The following ZFP14 variants were observed in gnomAD, a reference collection of about 807,000 sequenced individuals.
ZFP14 encodes the protein ZFP14 zinc finger protein.
In ZFP14, 22 loss-of-function variants were observed where a neutral mutation model predicts 54.5. The observed-to-expected ratio is 0.40, with a 90% CI of 0.29 to 0.58. The LOEUF is 0.58. ZFP14 is among the 20% of genes least tolerant of loss of function. The probability of loss-of-function intolerance (pLI) is 0.39; values close to 1 mark genes in which losing one functional copy is unlikely to be tolerated. For missense variants in ZFP14, 470 were observed against 637.8 expected, an observed-to-expected ratio of 0.74 and a Z score of 2.83; for synonymous variants, 159 against 204.0, an observed-to-expected ratio of 0.78 and a Z score of 1.88.
chr19:36,348,962 T>C (rs2031465979), intron 4 of ZFP14, among the ~76,000 whole-genome samples: 1 of 152,024 alleles, frequency 6.6e-6, no homozygotes, highest in Non-Finnish European at 1.5e-5. Context: ...GCACAGTGGC[T>C]CACACCTGTA....
At chr19:36,374,525 T>C (rs2031930805) in intron 1 of ZFP14, among the ~76,000 whole-genome samples, 1 of 151,298 alleles carries the variant, frequency 6.6e-6, no homozygotes, top group Non-Finnish European at 1.5e-5. Flanking sequence ...AAAAAGATTA[T>C]GCAGAGCTAT....
intron 1 of ZFP14, among the ~76,000 whole-genome samples, chr19:36,369,977 G>A (rs907278874): frequency 2.3e-4 from 35 of 152,260 alleles, no homozygotes; most frequent in Non-Finnish European, 1.5e-4. Context: ...TGGGACTATA[G>A]TTGGGCACCA....
At chr19:36,349,914 G>T (rs1466718196) in intron 4 of ZFP14, among the ~76,000 whole-genome samples, 1 of 101,074 alleles carries the variant, frequency 9.9e-6, no homozygotes, top group African/African-American at 3.5e-5. Context: ...CACTTTAGGA[G>T]GCCAAGGCGG....
rs1240087090 is a variant in ZFP14 at position 36,367,903 on chromosome 19, C to T, written c.-11G>A. 2.5e-6 allele frequency: 4 copies of T among 1,610,280 alleles called. No homozygotes were observed. The highest frequency in any genetic ancestry group is 1.7e-5 in the Admixed American group (1 of 59,778). On this transcript the variant is annotated 5_prime_UTR_variant, in exon 2 of 5. Transcript: ENST00000270001. ...ACTTACATGGGCCATGGTTTTAGAA[C>T]TGCAAAAACTGGTCAGTCCTTTTCA...
intron 2 of ZFP14, among the ~76,000 whole-genome samples, chr19:36,366,778 C>A (rs1002839000): frequency 6.6e-6 from 1 of 152,158 alleles, no homozygotes; most frequent in Admixed American, 6.6e-5. Flanking sequence ...TATGAAAATT[C>A]ATCCAGCCAT....
At chr19:36,369,414 TTTTG>T (rs2145561930) in intron 1 of ZFP14, among the ~76,000 whole-genome samples, 1 of 152,186 alleles carries the variant, frequency 6.6e-6, no homozygotes, top group Admixed American at 6.6e-5. Flanking sequence ...GTTTTGTTTT[TTTTG>T]TTTGTTTTTG....
At chr19:36,375,933 T>C (rs1481322735) in intron 1 of ZFP14, among the ~76,000 whole-genome samples, 3 of 152,060 alleles carry the variant, frequency 2.0e-5, no homozygotes, top group African/African-American at 7.2e-5. Context: ...CCTCGGGTAA[T>C]GCACCTGCCT....
Position 36,355,938 on chromosome 19 carries a change from C to A in ZFP14, c.235+4497G>T, listed in dbSNP as rs1283218738. 2.1e-5 allele frequency among the ~76,000 whole-genome samples: 3 copies of A among 142,068 alleles called. 1 individual carries two copies. Among genetic ancestry groups the A allele is most frequent in the Non-Finnish European group, 4.7e-5 (3 of 64,164 alleles). The allele number at this position is 142,068 out of a possible 152,430, so 93.2% of individuals were successfully genotyped here. A position where few individuals can be genotyped will look rare whatever the true frequency, so the allele number is the denominator to read the frequency against. ...TTAAATAGAGATGAAACTGTAGTCA[C>A]CGATCAAAAAAAAGAGTAGCCCCTC... On this transcript the variant is annotated intron_variant, in intron 4 of 4. Transcript: ENST00000270001.
At chr19:36,372,087 G>A (rs1450563900) in intron 1 of ZFP14, among the ~76,000 whole-genome samples, 1 of 150,424 alleles carries the variant, frequency 6.6e-6, no homozygotes, top group Non-Finnish European at 1.5e-5. Flanking sequence ...GAGGGAGGTA[G>A]GGAGGAAAGG....
At position 36,362,788 on chromosome 19, in the gene ZFP14, A is replaced by G. The variant is rs1048749103; in HGVS notation, c.10-550T>C. 5 of 282,618 alleles carry G rather than the reference A, an allele frequency of 1.8e-5. No individual in the cohort carries two copies. In the Admixed American group the frequency reaches 2.4e-4, roughly 14 times the overall value. 17.5% of individuals were successfully genotyped at this position (282,618 alleles called of 1,614,324 possible). On this transcript the variant is annotated intron_variant, in intron 2 of 4. Coordinates refer to ENST00000270001, the MANE Select transcript of ZFP14 (RefSeq NM_020917.3). ...CTTGGGCTCTCTTTTCCCTTTAATG[A>G]TCATTTAAAAACATTGATAAAAATT...
intron 4 of ZFP14, among the ~76,000 whole-genome samples, chr19:36,347,589 A>G (rs1405674389): frequency 1.3e-5 from 2 of 150,358 alleles, no homozygotes; most frequent in East Asian, 3.9e-4. Context: ...AGCCTGGGTG[A>G]CAGAGTGAGG....
At chr19:36,366,199 C>T (rs960498079) in intron 2 of ZFP14, among the ~76,000 whole-genome samples, 4 of 151,536 alleles carry the variant, frequency 2.6e-5, no homozygotes, top group African/African-American at 7.3e-5. Context: ...ACCCAGAAAG[C>T]GGAGGTTGCA....
Position 36,336,934 on chromosome 19 carries a change from GT to G in ZFP14, c.*3289del, listed in dbSNP as rs1188445411. ...AAATTATCAACATGTTGCCAATTTA[GT>G]TTCCAGCTCTCTTTGCCAATTATTT... On this transcript the variant is annotated 3_prime_UTR_variant, in exon 5 of 5. Coordinates refer to ENST00000270001, the MANE Select transcript of ZFP14 (RefSeq NM_020917.3). 3 of 147,536 alleles carry G rather than the reference GT, an allele frequency of 2.0e-5. No homozygotes were observed. The highest frequency in any genetic ancestry group is 7.7e-5 in the African/African-American group (3 of 38,860). The allele number at this position is 147,536 out of a possible 1,614,324, so 9.1% of individuals were successfully genotyped here. A position where few individuals can be genotyped will look rare whatever the true frequency, so the allele number is the denominator to read the frequency against.
In ZFP14 at chr19:36,341,495, T is replaced by C. The variant is rs1185822601; in HGVS notation, c.331A>G (p.Ser111Gly). The C allele has an allele frequency of 5.6e-6, 9 of 1,613,232 alleles. No homozygotes were observed. Among genetic ancestry groups the C allele is most frequent in the Non-Finnish European group, 7.6e-6 (9 of 1,179,876 alleles). Reference protein sequence around the residue: ...FQWDIMERIKSYSLQGSIFRN... With the variant: ...FQWDIMERIKGYSLQGSIFRN... Reference sequence around the variant, plus strand: ...AAAATGGAACCCTGAAGGCTATAGCTTTTAATTCTTTCCATTATATCCCAC... The same window carrying C: ...AAAATGGAACCCTGAAGGCTATAGCCTTTAATTCTTTCCATTATATCCCAC... Residue 111 changes from serine (S) to glycine (G), a missense_variant, in exon 5 of 5, where the codon AGC (serine) becomes GGC (glycine). By Grantham distance (56) the Ser-to-Gly change is moderately conservative. Coordinates refer to ENST00000270001, the MANE Select transcript of ZFP14 (RefSeq NM_020917.3). This position sits in a 1 kb window ranked among gnomAD's most constrained non-coding sequence, Gnocchi z 4.2.
chr19:36,366,614 C>T (rs2031798873), intron 2 of ZFP14, among the ~76,000 whole-genome samples: 1 of 152,028 alleles, frequency 6.6e-6, no homozygotes, highest in African/African-American at 2.4e-5. Context: ...ACCACACCTG[C>T]CCCACTTGAA....
chr19:36,374,272 C>A (rs2031925152), intron 1 of ZFP14, among the ~76,000 whole-genome samples: 1 of 151,974 alleles, frequency 6.6e-6, no homozygotes. Flanking sequence ...AGGCGGATCA[C>A]CTGAGGTCAG....
chr19:36,373,868 T>C (rs772985688), intron 1 of ZFP14, among the ~76,000 whole-genome samples: 3 of 126,512 alleles, frequency 2.4e-5, no homozygotes, highest in Non-Finnish European at 4.6e-5. Context: ...GCTGAGATGA[T>C]GCCACTGCAC....
chr19:36,376,445 C>T (rs906918182), intron 1 of ZFP14, among the ~76,000 whole-genome samples: 2 of 151,772 alleles, frequency 1.3e-5, no homozygotes, highest in Non-Finnish European at 2.9e-5. Flanking sequence ...ACTTGGGAGG[C>T]TGAGGTAGGA....
At chr19:36,375,861 T>C (rs2031954122) in intron 1 of ZFP14, among the ~76,000 whole-genome samples, 1 of 152,000 alleles carries the variant, frequency 6.6e-6, no homozygotes, top group Non-Finnish European at 1.5e-5. Context: ...CCCGCCTAAT[T>C]TTTGTATTTT....
Sources: gnomAD v4.1 joint callset for allele counts (sites outside exome capture counted in the v4.1 genomes callset) on GRCh38, gnomAD v4.1.1 for gene constraint, Gnocchi (gnomAD v3.1) non-coding constraint, MANE v1.5 for transcripts, NCBI Gene and HGNC (gene_info 2026-07-23, HGNC 2026-07-21) for gene names.